The following MKNK2 variants were observed in gnomAD, a reference collection of about 807,000 sequenced individuals.
The protein encoded by MKNK2 is MAPK interacting serine/threonine kinase 2, also known as MAP kinase-interacting serine/threonine-protein kinase 2.
A neutral mutation model predicts 55.0 loss-of-function variants in MKNK2; 54 were observed. That is an observed-to-expected ratio of 0.98 (90% CI 0.79 to 1.23). The LOEUF (loss-of-function observed/expected upper bound fraction) is 1.23. Among genes scored for constraint, MKNK2 ranks in the 50% most tolerant of loss-of-function variants. MKNK2 has a pLI of 0.00. For synonymous variants in MKNK2, 323 were observed against 256.0 expected, an observed-to-expected ratio of 1.26 and a Z score of -2.50; for missense variants, 685 against 632.1, an observed-to-expected ratio of 1.08 and a Z score of -0.90.
chr19:2,041,018 C>T lies in MKNK2; in HGVS notation c.1110+22G>A, dbSNP rs200465964. The T allele has an allele frequency of 5.4e-4, 879 of 1,612,962 alleles. 9 individuals carry two copies. The Admixed American group carries it at 0.012, about 22-fold the overall frequency. ...TGCAGCGCCCCCATACCCCTCCTGC[C>T]GCCCGTGCGGCTGGTACTCACCCCC... On this transcript the variant is annotated intron_variant, in intron 12 of 13. Transcript: ENST00000250896.
At chr19:2,041,628 G>A (rs1478132875) in intron 11 of MKNK2, among the ~76,000 whole-genome samples, 1 of 152,146 alleles carries the variant, frequency 6.6e-6, no homozygotes, top group Non-Finnish European at 1.5e-5. Flanking sequence ...GGCACACCGG[G>A]CAGGTCCCCA....
At position 2,039,260 on chromosome 19, in the gene MKNK2, G is replaced by C; in HGVS notation, c.*353C>G. On this transcript the variant is annotated 3_prime_UTR_variant, in exon 14 of 14. Coordinates refer to ENST00000250896, the MANE Select transcript of MKNK2 (RefSeq NM_199054.3). ...GCTCTCCTGAGTCACTGCAAGCCACGTGGGCAGATGGCGGGCAGCACAGGT... is the reference window on the plus strand; with the variant it reads ...GCTCTCCTGAGTCACTGCAAGCCACCTGGGCAGATGGCGGGCAGCACAGGT... The C allele has an allele frequency of 8.8e-7, 1 of 1,134,612 alleles. No individual in the cohort carries two copies. Among genetic ancestry groups the C allele is most frequent in the Non-Finnish European group, 1.1e-6 (1 of 921,020 alleles). 70.3% of individuals were successfully genotyped at this position (1,134,612 alleles called of 1,614,324 possible).
rs543214424 is a variant in MKNK2, at chr19:2,040,942, G to A, written c.1110+98C>T. 23 of 1,188,266 alleles carry A rather than the reference G, an allele frequency of 1.9e-5. 1 individual carries two copies. The South Asian group carries it at 2.7e-4, about 14-fold the overall frequency. 73.6% of individuals were successfully genotyped at this position (1,188,266 alleles called of 1,614,324 possible). On this transcript the variant is annotated intron_variant, in intron 12 of 13. Transcript: ENST00000250896. ...GCTCTCAAGCCTCAGTGCATCTCAG[G>A]GTGTCCAGGCTACACCCTCAGGGCT...
At chr19:2,048,186 G>A (rs1320222091) in intron 2 of MKNK2, among the ~76,000 whole-genome samples, 1 of 152,152 alleles carries the variant, frequency 6.6e-6, no homozygotes, top group African/African-American at 2.4e-5. Flanking sequence ...GGGCCCTGGG[G>A]GCCAGGATTC....
chr19:2,048,913 G>C (rs1395229411), intron 2 of MKNK2, among the ~76,000 whole-genome samples: 1 of 152,186 alleles, frequency 6.6e-6, no homozygotes, highest in Non-Finnish European at 1.5e-5. Context: ...TCTAAGGCCA[G>C]ACTGGAGTTC....
In MKNK2 at chr19:2,038,166, G is replaced by A. The variant is rs769295692; in HGVS notation, c.*1447C>T. ...GGAGGGGCAGCAGGGCCAGGCAGAC[G>A]GTCTCCGAGGCCCCCACCCCCAGGC... On this transcript the variant is annotated 3_prime_UTR_variant, in exon 14 of 14. Coordinates refer to ENST00000250896, the MANE Select transcript of MKNK2 (RefSeq NM_199054.3). The A allele has an allele frequency of 9.7e-6, 10 of 1,030,218 alleles. No individual in the cohort carries two copies. Among genetic ancestry groups the A allele is most frequent in the East Asian group, 1.6e-4 (2 of 12,706 alleles). The allele number at this position is 1,030,218 out of a possible 1,614,324, so 63.8% of individuals were successfully genotyped here. A position where few individuals can be genotyped will look rare whatever the true frequency, so the allele number is the denominator to read the frequency against.
At chr19:2,048,938 C>T (rs1455573897) in intron 2 of MKNK2, among the ~76,000 whole-genome samples, 2 of 152,214 alleles carry the variant, frequency 1.3e-5, no homozygotes, top group African/African-American at 4.8e-5. Flanking sequence ...GCTGTCTGAC[C>T]TTGGCCTAGT....
At chr19:2,045,301 A>G (rs7250047) in intron 5 of MKNK2, among the ~76,000 whole-genome samples, 98,126 of 151,826 alleles carry the variant, frequency 0.65, 33,341 homozygotes, top group African/African-American at 0.87. Flanking sequence ...TGTCAAACAA[A>G]GACAGGAAGC....
chr19:2,040,278 C>T, intron 12 of MKNK2, 101 bp from the exon 13 acceptor site: 4 of 1,064,444 alleles, frequency 3.8e-6, no homozygotes, highest in Admixed American at 5.8e-5. Context: ...CATCCCATCA[C>T]CAGGACCCCA....
rs139727878 is a variant in MKNK2, at chr19:2,038,499, C to T, written c.*1114G>A. ...GGAGGGTGGGGGGACTGAGCAGACC[C>T]CCGCATTCCTGGGTGCCCGAAGGGA... On this transcript the variant is annotated 3_prime_UTR_variant, in exon 14 of 14. Transcript: ENST00000250896. 251 of 985,686 alleles carry T rather than the reference C, an allele frequency of 2.5e-4. 2 individuals are homozygous for T. In the East Asian group the frequency reaches 0.017, roughly 68 times the overall value. The allele number at this position is 985,686 out of a possible 1,614,324, so 61.1% of individuals were successfully genotyped here.
At chr19:2,042,557 C>T (rs1346167517) in intron 9 of MKNK2, 35 bp from the exon 10 acceptor site, 2 of 1,578,046 alleles carry the variant, frequency 1.3e-6, no homozygotes, top group East Asian at 2.3e-5. Flanking sequence ...AGCCTGGGGT[C>T]CCACGCGGTC....
At chr19:2,044,928 G>C (rs927608929) in intron 5 of MKNK2, among the ~76,000 whole-genome samples, 3 of 152,122 alleles carry the variant, frequency 2.0e-5, no homozygotes, top group Non-Finnish European at 4.4e-5. Context: ...GCAGCCTCAC[G>C]GCACCAGGTG....
In MKNK2 at chr19:2,041,025, G is replaced by C. The variant is rs1196090394; in HGVS notation, c.1110+15C>G. On this transcript the variant is annotated intron_variant, in intron 12 of 13. Transcript: ENST00000250896. ...CCCCCATACCCCTCCTGCCGCCCGT[G>C]CGGCTGGTACTCACCCCCTGAACCC... is the stretch of plus-strand genomic sequence containing the variant. The C allele has an allele frequency of 6.2e-7, 1 of 1,613,298 alleles. No individual in the cohort carries two copies. Among genetic ancestry groups the C allele is most frequent in the African/African-American group, 1.3e-5 (1 of 74,994 alleles).
At position 2,042,753 on chromosome 19, in the gene MKNK2, G is replaced by A; in HGVS notation, c.598+13C>T. 1.9e-6 allele frequency: 3 copies of A among 1,561,170 alleles called. No individual in the cohort carries two copies. Among genetic ancestry groups the A allele is most frequent in the Non-Finnish European group, 2.6e-6 (3 of 1,149,784 alleles). ...GGCGGCCCTAGGAGACTCCGGGCGG[G>A]GTCACCACCTACCTTTGTTATGCAG... On this transcript the variant is annotated intron_variant, in intron 8 of 13. Transcript: ENST00000250896.
At position 2,046,654 on chromosome 19, in the gene MKNK2, T is replaced by A. The variant is rs749860470; in HGVS notation, c.89A>T (p.Gln30Leu). The A allele has an allele frequency of 1.9e-6, 3 of 1,556,306 alleles. No homozygotes were observed. The highest frequency in any genetic ancestry group is 2.1e-5 in the Admixed American group (1 of 48,588). The change falls in exon 3 of 14, where the codon CAG becomes CTG. Residue 30 changes from glutamine to leucine, a missense_variant. Physicochemically the swap from Gln to Leu is moderately radical, Grantham distance 113. Coordinates refer to ENST00000250896, the MANE Select transcript of MKNK2 (RefSeq NM_199054.3). The stretch of plus-strand genomic sequence containing the variant: ...AAAGTCAGAGTCTCCGTGGTCGGGC[T>A]GGTCTAGGGAGAAGGCCAGCTCGAA... ...NPFELAFSLD[Q>L]PDHGDSDFGL...
Position 2,042,879 on chromosome 19 carries a change from G to A in MKNK2, c.494-9C>T, listed in dbSNP as rs2016922266. On this transcript the variant is annotated splice_polypyrimidine_tract_variant and intron_variant, in intron 7 of 13. Transcript: ENST00000250896. The stretch of plus-strand genomic sequence containing the variant: ...GTGGCTCAGGATGGAGCCTGGGCAG[G>A]GCAGGGCAGGGCAGGACAGGGGGAA... 1.3e-6 allele frequency: 2 copies of A among 1,555,010 alleles called. No individual in the cohort carries two copies. The highest frequency in any genetic ancestry group is 1.2e-5 in the South Asian group (1 of 86,274).
intron 11 of MKNK2, 74 bp downstream of exon 11, chr19:2,041,766 G>A (rs1356076557): frequency 2.5e-5 from 32 of 1,287,192 alleles, no homozygotes; most frequent in Non-Finnish European, 3.1e-5. Flanking sequence ...CAGGTCCCCT[G>A]GGGTTAGGGG....
Position 2,042,656 on chromosome 19 carries a change from G to C in MKNK2, c.605C>G (p.Ala202Gly). Residue 202 changes from alanine to glycine, a missense_variant, in exon 9 of 14, where the codon GCC (alanine) becomes GGC (glycine). Coordinates refer to ENST00000250896, the MANE Select transcript of MKNK2 (RefSeq NM_199054.3). The part of the protein sequence containing the change: ...ALDFLHNKGI[A>G]HRDLKPENIL... ...GTTTTCCGGCTTTAGGTCCCTGTGG[G>C]CGATGCCTGGGGGAGAAGCCACAGA... The C allele has an allele frequency of 6.4e-7, 1 of 1,561,960 alleles. No homozygotes were observed. The highest frequency in any genetic ancestry group is 8.7e-7 in the Non-Finnish European group (1 of 1,152,438).
Position 2,042,176 on chromosome 19 carries a change from G to GCC in MKNK2, c.751-144_751-143dup, listed in dbSNP as rs144451816. On this transcript the variant is annotated intron_variant, in intron 10 of 13. Coordinates refer to ENST00000250896, the MANE Select transcript of MKNK2 (RefSeq NM_199054.3). ...ACCAATCAGCGGCTGCCGGGAACGC[G>GCC]CCCCCGCCCAATCAGCAGGTGCAGA... 117 of 826,060 alleles carry GCC rather than the reference G, an allele frequency of 1.4e-4. 2 individuals are homozygous for GCC. In the South Asian group the frequency reaches 1.7e-3, roughly 12 times the overall value. 51.2% of individuals were successfully genotyped at this position (826,060 alleles called of 1,614,324 possible).
Sources: allele counts gnomAD v4.1 joint callset (sites outside exome capture counted in the v4.1 genomes callset), GRCh38; gene constraint gnomAD v4.1.1; transcripts MANE v1.5; gene names NCBI Gene and HGNC (gene_info 2026-07-23, HGNC 2026-07-21).